The following ALPK2 variants were observed in gnomAD, a reference collection of about 807,000 sequenced individuals.
The protein encoded by ALPK2 is alpha kinase 2.
A neutral mutation model predicts 163.1 loss-of-function variants in ALPK2; 127 were observed. That is an observed-to-expected ratio of 0.78 (90% CI 0.67 to 0.90). The LOEUF (loss-of-function observed/expected upper bound fraction) is 0.90. Ranked by LOEUF, ALPK2 falls within the 40% of genes least tolerant of loss-of-function variation. The pLI is 0.00. For synonymous variants in ALPK2, 953 were observed against 959.1 expected, an observed-to-expected ratio of 0.99 and a Z score of 0.12; for missense variants, 2,360 against 2,589.6, an observed-to-expected ratio of 0.91 and a Z score of 1.92.
chr18:58,556,838 G>A (rs573214294), intron 4 of ALPK2, among the ~76,000 whole-genome samples: 160 of 152,350 alleles, frequency 1.1e-3, no homozygotes, highest in African/African-American at 3.1e-3. Flanking sequence ...TGCCCCAGGG[G>A]AGACGGTGCT....
intron 11 of ALPK2, among the ~76,000 whole-genome samples, chr18:58,500,365 A>G (rs531465575): frequency 1.8e-4 from 28 of 152,320 alleles, no homozygotes; most frequent in Non-Finnish European, 2.6e-4. Flanking sequence ...TCATTTGGCA[A>G]AAGGTCCTTG....
At position 58,504,127 on chromosome 18, in the gene ALPK2, G is replaced by A; in HGVS notation, c.6051C>T (p.Ile2017=). 1 of 1,614,126 alleles carries A rather than the reference G, an allele frequency of 6.2e-7. No individual in the cohort carries two copies. The highest frequency in any genetic ancestry group is 8.5e-7 in the Non-Finnish European group (1 of 1,179,992). ...ACGGGATATTGTTCTCAGGCCGATG[G>A]ATAAGAAAAATAGGAATGATCCTGG... ...EVPEIIPIFL[I]HRPENNIPYA... is the part of the protein sequence containing the mutation. Residue 2017 remains isoleucine (I), a synonymous_variant, in exon 11 of 13, where the codon ATC becomes ATT. Coordinates refer to ENST00000361673, the MANE Select transcript of ALPK2 (RefSeq NM_052947.4).
intron 12 of ALPK2, among the ~76,000 whole-genome samples, chr18:58,490,192 A>G (rs181700394): frequency 2.1e-3 from 324 of 152,344 alleles, no homozygotes; most frequent in African/African-American, 6.9e-3. Context: ...TTAAAAATTC[A>G]TGGAGCTTTT....
At chr18:58,558,824 A>G (rs2051808244) in intron 4 of ALPK2, among the ~76,000 whole-genome samples, 1 of 152,266 alleles carries the variant, frequency 6.6e-6, no homozygotes, top group African/African-American at 2.4e-5. Context: ...CCAGACACAC[A>G]AAAGCCATCT....
At chr18:58,601,014 G>C (rs533982646) in intron 3 of ALPK2, among the ~76,000 whole-genome samples, 1 of 152,352 alleles carries the variant, frequency 6.6e-6, no homozygotes, top group African/African-American at 2.4e-5. Flanking sequence ...CCAGCACTTT[G>C]GGAGGCCGAG....
intron 3 of ALPK2, chr18:58,580,895 T>C (rs1278023182): frequency 5.0e-6 from 1 of 198,234 alleles, no homozygotes; most frequent in African/African-American, 2.3e-5. Flanking sequence ...GTTCCAAGAA[T>C]TGCCCACCCC....
intron 3 of ALPK2, among the ~76,000 whole-genome samples, chr18:58,607,024 A>C (rs1694426982): frequency 6.6e-6 from 1 of 152,232 alleles, no homozygotes; most frequent in South Asian, 2.1e-4. Flanking sequence ...TTCCAGAGAG[A>C]TCAAGATGAA....
chr18:58,574,310 G>T (rs2051907504), intron 4 of ALPK2, among the ~76,000 whole-genome samples: 1 of 151,400 alleles, frequency 6.6e-6, no homozygotes, highest in African/African-American at 2.4e-5. Context: ...TCAGCCGGGT[G>T]TGGTGGGGCG....
intron 11 of ALPK2, among the ~76,000 whole-genome samples, chr18:58,500,555 T>A (rs756325900): frequency 4.6e-5 from 7 of 152,210 alleles, no homozygotes; most frequent in Non-Finnish European, 1.0e-4. Flanking sequence ...TGTGCAGCTA[T>A]CAAGCTGAGT....
In ALPK2 at chr18:58,515,088, C is replaced by T. The variant is rs569266783; in HGVS notation, c.5941-7G>A. ...TATTTTGAACATAGCATTCCTATAT[C>T]GCCAAAATACATAGAAAGCCCCAGT... is the stretch of plus-strand genomic sequence containing the variant. On this transcript the variant is annotated splice_region_variant and splice_polypyrimidine_tract_variant and intron_variant, in intron 9 of 12. Coordinates refer to ENST00000361673, the MANE Select transcript of ALPK2 (RefSeq NM_052947.4). The T allele has an allele frequency of 7.6e-4, 1,218 of 1,604,822 alleles. 15 individuals carry two copies. In the South Asian group the frequency reaches 0.013, roughly 17 times the overall value.
chr18:58,537,177 C>A lies in ALPK2; in HGVS notation c.3010G>T (p.Glu1004Ter), dbSNP rs2051654985. ...ANNECFQATRETEDTSTVTIA... is the reference protein window; with the variant it reads ...ANNECFQATR ...GTAACAGTTGATGTGTCCTCAGTCT[C>A]CCTGGTCGCTTGAAAGCACTCATTA... Residue 1004 changes from glutamate to a stop codon, truncating the protein, a stop_gained, in exon 5 of 13, where the codon GAG (glutamate) becomes TAG (stop). Transcript: ENST00000361673. LOFTEE classifies it high-confidence loss of function. 6.2e-7 allele frequency: 1 copy of A among 1,600,992 alleles called. No homozygotes were observed. The highest frequency in any genetic ancestry group is 8.5e-7 in the Non-Finnish European group (1 of 1,174,198).
chr18:58,609,009 G>T (rs2052113779), intron 2 of ALPK2, among the ~76,000 whole-genome samples: 1 of 151,562 alleles, frequency 6.6e-6, no homozygotes, highest in African/African-American at 2.4e-5. Flanking sequence ...TCCATAGAAA[G>T]AGGAAAGACA....
chr18:58,508,482 A>G lies in ALPK2; in HGVS notation c.6030-4334T>C, dbSNP rs535931243. Among the ~76,000 whole-genome samples the G allele has an allele frequency of 9.8e-5, 15 of 152,352 alleles. No individual in the cohort carries two copies. The South Asian group carries it at 2.7e-3, about 27-fold the overall frequency. On this transcript the variant is annotated intron_variant, in intron 10 of 12. Transcript: ENST00000361673. ...GAGGTTAGCACAGGATACAGGTCAT[A>G]AAGACCTTGCTGATAAAACAGCCTG... is the stretch of plus-strand genomic sequence containing the variant.
intron 4 of ALPK2, among the ~76,000 whole-genome samples, chr18:58,572,976 G>A (rs2051893607): frequency 6.6e-6 from 1 of 152,114 alleles, no homozygotes; most frequent in African/African-American, 2.4e-5. Context: ...CCTGGGCAAA[G>A]TGTACTGTCA....
chr18:58,516,043 C>A (rs1390742774), intron 9 of ALPK2, among the ~76,000 whole-genome samples: 1 of 151,688 alleles, frequency 6.6e-6, no homozygotes, highest in African/African-American at 2.4e-5. Context: ...CATAGGGAGA[C>A]CCTGTCTCTG....
In ALPK2 at chr18:58,535,685, C is replaced by T. The variant is rs201411279; in HGVS notation, c.4502G>A (p.Gly1501Asp). Residue 1501 changes from glycine (G) to aspartate (D), a missense_variant, in exon 5 of 13, where the codon GGT becomes GAT. Coordinates refer to ENST00000361673, the MANE Select transcript of ALPK2 (RefSeq NM_052947.4). ...IWQVLQPSEG[G>D]ERIPSGCSIG... ...GCTACATCCACTTGGAATTCTTTCA[C>T]CGCCTTCGCTGGGTTGCAGGACTTG... 32 of 1,614,144 alleles carry T rather than the reference C, an allele frequency of 2.0e-5. No homozygotes were observed. Among genetic ancestry groups the T allele is most frequent in the Non-Finnish European group, 2.5e-5 (30 of 1,180,050 alleles).
At chr18:58,622,112 C>T (rs1186158107) in intron 1 of ALPK2, among the ~76,000 whole-genome samples, 3 of 151,822 alleles carry the variant, frequency 2.0e-5, no homozygotes, top group East Asian at 1.9e-4. Flanking sequence ...TTTGGGAGGC[C>T]GAGGCAGGCA....
intron 10 of ALPK2, among the ~76,000 whole-genome samples, chr18:58,510,140 G>GA (rs1390807551): frequency 6.6e-6 from 1 of 152,130 alleles, no homozygotes; most frequent in African/African-American, 2.4e-5. Context: ...ATTAAATAGG[G>GA]AATCCTTTCC....
At chr18:58,590,198 C>T (rs189749451) in intron 3 of ALPK2, among the ~76,000 whole-genome samples, 242 of 130,638 alleles carry the variant, frequency 1.9e-3, no homozygotes, top group African/African-American at 6.7e-3. Flanking sequence ...CCAACCTGGG[C>T]GACAGAGCGA....
Sources: gnomAD v4.1 joint callset for allele counts (sites outside exome capture counted in the v4.1 genomes callset) on GRCh38, gnomAD v4.1.1 for gene constraint, MANE v1.5 for transcripts, NCBI Gene and HGNC (gene_info 2026-07-23, HGNC 2026-07-21) for gene names.